Variants in MAML3 observed in about 807,000 individuals in gnomAD.
MAML3 encodes the protein mastermind like transcriptional coactivator 3.
Under a neutral mutation model 101.9 loss-of-function variants are expected in MAML3, and 27 were observed. That is an observed-to-expected ratio of 0.27 (90% CI 0.20 to 0.37). The LOEUF (loss-of-function observed/expected upper bound fraction) is 0.37, where lower values mean the gene tolerates loss of function less well. Ranked by LOEUF, MAML3 falls within the 10% of genes least tolerant of loss-of-function variation. The pLI is 1.00. For synonymous variants in MAML3, 501 were observed against 555.9 expected, an observed-to-expected ratio of 0.90 and a Z score of 1.39; for missense variants, 1,316 against 1,444.9, an observed-to-expected ratio of 0.91 and a Z score of 1.45.
chr4:140,049,423 G>A (rs1727232288), intron 1 of MAML3, among the ~76,000 whole-genome samples: 1 of 152,182 alleles, frequency 6.6e-6, no homozygotes. Flanking sequence ...ACAGCGAGCA[G>A]GAGAGGCAGG....
intron 2 of MAML3, among the ~76,000 whole-genome samples, chr4:139,764,236 T>G (rs1339440981): frequency 6.6e-6 from 1 of 152,228 alleles, no homozygotes; most frequent in East Asian, 1.9e-4. Context: ...ACCTTTTCCA[T>G]CATGGGCAAG....
At chr4:139,832,394 G>C (rs567476709) in intron 2 of MAML3, among the ~76,000 whole-genome samples, 1 of 151,914 alleles carries the variant, frequency 6.6e-6, no homozygotes, top group South Asian at 2.1e-4. Context: ...TTACAAACGT[G>C]AGCCACCGCA....
chr4:139,903,180 G>T (rs755660757), intron 1 of MAML3, among the ~76,000 whole-genome samples: 13 of 152,124 alleles, frequency 8.5e-5, no homozygotes, highest in African/African-American at 3.1e-4. Context: ...TAGAAATGGC[G>T]TCTTGTTCTG....
chr4:139,963,495 C>T (rs183927888), intron 1 of MAML3, among the ~76,000 whole-genome samples: 1 of 152,212 alleles, frequency 6.6e-6, no homozygotes, highest in Admixed American at 6.5e-5. Context: ...GTCTACGTGG[C>T]CGACAATGAA....
At position 139,730,600 on chromosome 4, in the gene MAML3, C is replaced by T. The variant is rs1728664912; in HGVS notation, c.2147G>A (p.Gly716Asp). ...PMQSSVPPGS[G>D]GMVSGASPAG... ...GGGACTGGCTCCTGAGACCATGCCA[C>T]CTGAGCCTGGGGGCACGGAGGACTG... The change falls in exon 3 of 5, where the codon GGT becomes GAT. Residue 716 changes from glycine to aspartate, a missense_variant. By Grantham distance (94) the Gly-to-Asp change is moderately conservative (BLOSUM62 -1). Transcript: ENST00000509479. The T allele has an allele frequency of 2.5e-6, 4 of 1,611,372 alleles. No individual in the cohort carries two copies. In the Admixed American group the frequency reaches 6.7e-5, roughly 27 times the overall value.
chr4:140,132,700 G>C (rs1165334202), intron 1 of MAML3, among the ~76,000 whole-genome samples: 1 of 152,174 alleles, frequency 6.6e-6, no homozygotes, highest in African/African-American at 2.4e-5. Context: ...TTCTCACTTT[G>C]CACGAACATC....
chr4:139,881,935 G>A (rs372939720), intron 2 of MAML3, among the ~76,000 whole-genome samples: 1 of 151,880 alleles, frequency 6.6e-6, no homozygotes, highest in Non-Finnish European at 1.5e-5. Context: ...CAAGTGATCC[G>A]CCCGCCTCAG....
intron 1 of MAML3, among the ~76,000 whole-genome samples, chr4:140,136,480 A>G (rs1280671785): frequency 6.6e-6 from 1 of 152,242 alleles, no homozygotes; most frequent in East Asian, 1.9e-4. Context: ...TGTTTATCTC[A>G]GATGACATGA....
chr4:139,786,809 AAGGGCC>A (rs961953538), intron 2 of MAML3, among the ~76,000 whole-genome samples: 3 of 152,194 alleles, frequency 2.0e-5, no homozygotes, highest in African/African-American at 4.8e-5. Flanking sequence ...AAGTGGGGTC[AAGGGCC>A]AGGTTAATGC....
chr4:139,990,282 A>G (rs1331740535), intron 1 of MAML3, among the ~76,000 whole-genome samples: 1 of 152,242 alleles, frequency 6.6e-6, no homozygotes, highest in Non-Finnish European at 1.5e-5. Context: ...GCATATAAAC[A>G]GAACCAAAGA....
rs566190062 is a variant in MAML3, at chr4:139,859,843, T to C, written c.2079+29514A>G. 9.8e-5 allele frequency among the ~76,000 whole-genome samples: 15 copies of C among 152,342 alleles called. No individual in the cohort carries two copies. In the South Asian group the frequency reaches 3.1e-3, roughly 32 times the overall value. On this transcript the variant is annotated intron_variant, in intron 2 of 4. Coordinates refer to ENST00000509479, the MANE Select transcript of MAML3 (RefSeq NM_018717.5). The stretch of plus-strand genomic sequence containing the variant: ...TTAAATAATGTGTTAGCTCAGGTCT[T>C]CCAAAAAATCGACATCGAGAAGGTT...
intron 2 of MAML3, among the ~76,000 whole-genome samples, chr4:139,830,474 G>C (rs563679176): frequency 6.8e-6 from 1 of 146,908 alleles, no homozygotes; most frequent in Admixed American, 6.7e-5. Flanking sequence ...GAGTGCAGTG[G>C]TGCGATCTCG....
intron 1 of MAML3, among the ~76,000 whole-genome samples, chr4:139,945,700 A>C (rs756653793): frequency 6.6e-6 from 1 of 152,232 alleles, no homozygotes; most frequent in Non-Finnish European, 1.5e-5. Context: ...AATTTGTCCA[A>C]TGTGTATTTT....
chr4:139,826,807 C>G (rs1404708905), intron 2 of MAML3, among the ~76,000 whole-genome samples: 1 of 152,144 alleles, frequency 6.6e-6, no homozygotes, highest in African/African-American at 2.4e-5. Flanking sequence ...AGACTCGACC[C>G]TTGCAGACAC....
At chr4:139,734,726 T>A (rs781283082) in intron 2 of MAML3, among the ~76,000 whole-genome samples, 1 of 152,248 alleles carries the variant, frequency 6.6e-6, no homozygotes, top group Non-Finnish European at 1.5e-5. Context: ...TATTTATAAA[T>A]CTGTGCGTAG....
At chr4:139,909,551 G>A (rs983814096) in intron 1 of MAML3, among the ~76,000 whole-genome samples, 2 of 152,094 alleles carry the variant, frequency 1.3e-5, no homozygotes. Flanking sequence ...CAAACCCAAA[G>A]ATAAGGCCTT....
At chr4:140,122,130 T>C (rs1466043380) in intron 1 of MAML3, among the ~76,000 whole-genome samples, 1 of 145,140 alleles carries the variant, frequency 6.9e-6, no homozygotes. Flanking sequence ...TTGAGGCTAA[T>C]ACAGTGCAAT....
intron 1 of MAML3, among the ~76,000 whole-genome samples, chr4:140,142,315 G>A (rs527654691): frequency 1.3e-5 from 2 of 152,316 alleles, no homozygotes; most frequent in African/African-American, 4.8e-5. Context: ...CTACTTCTGA[G>A]AAAGGAAATA....
At chr4:139,827,570 A>T (rs1284711494) in intron 2 of MAML3, among the ~76,000 whole-genome samples, 1 of 152,238 alleles carries the variant, frequency 6.6e-6, no homozygotes, top group Non-Finnish European at 1.5e-5. Flanking sequence ...TCAAGAAGAA[A>T]TATGCCCAGA....
Sources: gnomAD v4.1 joint callset for allele counts (sites outside exome capture counted in the v4.1 genomes callset) on GRCh38, gnomAD v4.1.1 for gene constraint, MANE v1.5 for transcripts, NCBI Gene and HGNC (gene_info 2026-07-23, HGNC 2026-07-21) for gene names.